Variants in RORA observed in about 807,000 individuals in gnomAD.
RORA encodes the protein RAR related orphan receptor A.
Under a neutral mutation model 69.5 loss-of-function variants are expected in RORA, and 7 were observed. The ratio of observed to expected loss-of-function variants is 0.10; its 90% CI spans 0.06 to 0.19. The LOEUF (loss-of-function observed/expected upper bound fraction) is 0.19. Ranked by LOEUF, RORA falls within the 10% of genes least tolerant of loss-of-function variation. RORA has a pLI of 1.00. For synonymous variants in RORA, 261 were observed against 240.8 expected (o/e 1.08, Z -0.78); for missense variants, 457 against 663.0 (o/e 0.69, Z 3.41).
At chr15:60,789,853 T>C (rs1289545474) in intron 1 of RORA, among the ~76,000 whole-genome samples, 1 of 152,186 alleles carries the variant, frequency 6.6e-6, no homozygotes, top group Non-Finnish European at 1.5e-5. Context: ...AAGCATTCAA[T>C]AAATATAGGC....
intron 1 of RORA, among the ~76,000 whole-genome samples, chr15:61,055,801 G>C (rs1340381029): frequency 3.3e-5 from 5 of 152,212 alleles, no homozygotes; most frequent in African/African-American, 1.2e-4. Flanking sequence ...ATTAGGATTT[G>C]AGACACGTTT....
At chr15:60,909,871 T>C (rs943259605) in intron 1 of RORA, among the ~76,000 whole-genome samples, 1 of 152,240 alleles carries the variant, frequency 6.6e-6, no homozygotes, top group Admixed American at 6.5e-5. Flanking sequence ...TTATTTTTTT[T>C]CCTTCTTTAT....
At chr15:60,614,427 G>A (rs527683178) in intron 2 of RORA, among the ~76,000 whole-genome samples, 1 of 152,276 alleles carries the variant, frequency 6.6e-6, no homozygotes, top group Non-Finnish European at 1.5e-5. Context: ...GCAACCTCTG[G>A]AAGGTTCTAG....
intron 1 of RORA, among the ~76,000 whole-genome samples, chr15:60,804,587 T>C (rs1192255995): frequency 1.3e-5 from 2 of 152,212 alleles, no homozygotes; most frequent in Non-Finnish European, 2.9e-5. Flanking sequence ...CCATTTAAAA[T>C]GTGGCTAAGT....
chr15:61,003,288 A>C (rs1181689544), intron 1 of RORA, among the ~76,000 whole-genome samples: 2 of 152,240 alleles, frequency 1.3e-5, no homozygotes, highest in Non-Finnish European at 2.9e-5. Context: ...ATAATCTCCA[A>C]GCCTTTTAGA....
Position 60,991,618 on chromosome 15 carries a change from G to A in RORA, c.166+237435C>T, listed in dbSNP as rs140074083. Among the ~76,000 whole-genome samples the A allele has an allele frequency of 4.3e-3, 653 of 152,156 alleles. 8 individuals are homozygous for A. Among genetic ancestry groups the A allele is most frequent in the African/African-American group, 0.015 (625 of 41,504 alleles). On this transcript the variant is annotated intron_variant, in intron 1 of 10. Coordinates refer to ENST00000335670, the MANE Select transcript of RORA (RefSeq NM_134261.3). Reference sequence around the variant, plus strand: ...TAAAATGGTATTTAAAAGTTAAGACGGGGTGTTGGCAGCTCACACCTGTAA... The same window carrying A: ...TAAAATGGTATTTAAAAGTTAAGACAGGGTGTTGGCAGCTCACACCTGTAA...
At chr15:60,817,621 G>A (rs1014852694) in intron 1 of RORA, among the ~76,000 whole-genome samples, 4 of 152,104 alleles carry the variant, frequency 2.6e-5, no homozygotes, top group Admixed American at 6.6e-5. Context: ...TCTCCTTGGC[G>A]CCCTGACACA....
intron 1 of RORA, among the ~76,000 whole-genome samples, chr15:61,026,124 T>C (rs1040743500): frequency 3.9e-5 from 6 of 152,174 alleles, no homozygotes; most frequent in African/African-American, 1.4e-4. Flanking sequence ...GTAAATAACA[T>C]CAGTCTTCGT....
At chr15:61,004,696 T>C (rs1894857834) in intron 1 of RORA, among the ~76,000 whole-genome samples, 1 of 152,076 alleles carries the variant, frequency 6.6e-6, no homozygotes, top group Non-Finnish European at 1.5e-5. Flanking sequence ...CAGAGATGGA[T>C]ACAGACATGG....
intron 1 of RORA, among the ~76,000 whole-genome samples, chr15:60,920,387 AT>A (rs1451699989): frequency 2.0e-5 from 3 of 152,202 alleles, no homozygotes; most frequent in African/African-American, 7.2e-5. Flanking sequence ...TAGATCTGGG[AT>A]TTGAACCTAT....
chr15:60,682,066 G>C (rs141969035), intron 1 of RORA: 1 of 152,322 alleles, frequency 6.6e-6, no homozygotes, highest in African/African-American at 2.4e-5. Flanking sequence ...TAGGTTGAGA[G>C]ACCTTGAACA....
chr15:60,961,510 TA>T (rs1893413295), intron 1 of RORA, among the ~76,000 whole-genome samples: 1 of 152,228 alleles, frequency 6.6e-6, no homozygotes, highest in Admixed American at 6.5e-5. Flanking sequence ...CAAGTGCCGA[TA>T]ATATGAAGTA....
At chr15:61,185,850 A>T (rs1285409258) in intron 1 of RORA, among the ~76,000 whole-genome samples, 2 of 152,004 alleles carry the variant, frequency 1.3e-5, no homozygotes, top group Non-Finnish European at 2.9e-5. Context: ...CTGATCTCTT[A>T]TCACACAGGC....
Position 61,128,348 on chromosome 15 carries a change from A to G in RORA, c.166+100705T>C, listed in dbSNP as rs78583905. Among the ~76,000 whole-genome samples the G allele has an allele frequency of 5.3e-5, 8 of 152,162 alleles. No individual in the cohort carries two copies. Among genetic ancestry groups the G allele is most frequent in the Non-Finnish European group, 7.4e-5 (5 of 68,006 alleles). On this transcript the variant is annotated intron_variant, in intron 1 of 10. Coordinates refer to ENST00000335670, the MANE Select transcript of RORA (RefSeq NM_134261.3). This position sits in a 1 kb window ranked among gnomAD's most constrained non-coding sequence, Gnocchi z 4.5. The stretch of plus-strand genomic sequence containing the variant: ...CTGCAAATACAGAAAGAAAAAAAAA[A>G]TCTAAACAGTATATAAACTTAAAAT...
intron 2 of RORA, among the ~76,000 whole-genome samples, chr15:60,675,091 A>G (rs1390407086): frequency 6.6e-6 from 1 of 152,218 alleles, no homozygotes; most frequent in Non-Finnish European, 1.5e-5. Flanking sequence ...GATTTGTTGC[A>G]TCTTTTCACC....
chr15:61,229,253 G>A lies in RORA; in HGVS notation c.-35C>T, dbSNP rs1416887885. The stretch of plus-strand genomic sequence containing the variant: ...CAATGTAGAGATCGCTGGAGATGGC[G>A]AGCTCCGAGACTCCCTCTATCTTCT... On this transcript the variant is annotated 5_prime_UTR_variant, in exon 1 of 11. Transcript: ENST00000335670. 13 of 1,221,886 alleles carry A rather than the reference G, an allele frequency of 1.1e-5. No homozygotes were observed. The highest frequency in any genetic ancestry group is 1.8e-5 in the African/African-American group (1 of 56,020). 75.7% of individuals were successfully genotyped at this position (1,221,886 alleles called of 1,614,324 possible).
intron 1 of RORA, among the ~76,000 whole-genome samples, chr15:61,129,948 A>C (rs1567002803): frequency 6.6e-6 from 1 of 152,228 alleles, no homozygotes; most frequent in Non-Finnish European, 1.5e-5. Flanking sequence ...GAGTGTTTAC[A>C]AACAACAAGA....
At chr15:60,947,424 T>C (rs1180556289) in intron 1 of RORA, among the ~76,000 whole-genome samples, 2 of 152,054 alleles carry the variant, frequency 1.3e-5, no homozygotes, top group Non-Finnish European at 1.5e-5. Context: ...ACATGTGCTG[T>C]GTCCACTCAG....
intron 1 of RORA, among the ~76,000 whole-genome samples, chr15:61,018,184 A>C (rs1490081967): frequency 6.6e-6 from 1 of 152,210 alleles, no homozygotes; most frequent in Non-Finnish European, 1.5e-5. Context: ...GTAATTGTCC[A>C]TAATCCAGGC....
Sources: gnomAD v4.1 joint callset for allele counts (sites outside exome capture counted in the v4.1 genomes callset) on GRCh38, gnomAD v4.1.1 for gene constraint, Gnocchi (gnomAD v3.1) non-coding constraint, MANE v1.5 for transcripts, NCBI Gene and HGNC (gene_info 2026-07-23, HGNC 2026-07-21) for gene names.